The following TTC3 variants were observed in gnomAD, a reference collection of about 807,000 sequenced individuals.
The protein encoded by TTC3 is E3 ubiquitin-protein ligase TTC3.
Under a neutral mutation model 249.6 loss-of-function variants are expected in TTC3, and 180 were observed. That is an observed-to-expected ratio of 0.72 (90% CI 0.64 to 0.82). The LOEUF is 0.82. Ranked by LOEUF, TTC3 falls within the 40% of genes least tolerant of loss-of-function variation. TTC3 has a pLI of 0.00. For synonymous variants in TTC3, 717 were observed against 805.0 expected, an observed-to-expected ratio of 0.89 and a Z score of 1.85; for missense variants, 2,061 against 2,398.4, an observed-to-expected ratio of 0.86 and a Z score of 2.94.
chr21:37,197,863 AC>A lies in TTC3; in HGVS notation c.5707-15del, dbSNP rs957985137. 1 of 1,605,778 alleles carries A rather than the reference AC, an allele frequency of 6.2e-7. No homozygotes were observed. The highest frequency in any genetic ancestry group is 1.4e-5 in the African/African-American group (1 of 73,904). Reference sequence around the variant, plus strand: ...GCTTCCCTCTTGTCCCCTCCCCGCCACCCCTGTTATTTTCGCAGCCAAACCC... The same window carrying A: ...GCTTCCCTCTTGTCCCCTCCCCGCCACCCTGTTATTTTCGCAGCCAAACCC... On this transcript the variant is annotated intron_variant, in intron 43 of 45. Transcript: ENST00000355666.
In TTC3 at chr21:37,083,318, A is replaced by G. The variant is rs1365082666; in HGVS notation, c.-11-3929A>G. On this transcript the variant is annotated intron_variant, in intron 1 of 45. Coordinates refer to ENST00000355666, the Ensembl canonical transcript of TTC3. Reference sequence around the variant, plus strand: ...ATCACAAAAGGTCTTCTATGCTTATATTAGGGAAGTTGGACTTTATTCTCA... The same window carrying G: ...ATCACAAAAGGTCTTCTATGCTTATGTTAGGGAAGTTGGACTTTATTCTCA... The G allele has an allele frequency of 6.1e-6, 6 of 985,344 alleles. No individual in the cohort carries two copies. The African/African-American group carries it at 7.0e-5, about 11-fold the overall frequency. The allele number at this position is 985,344 out of a possible 1,614,324, so 61.0% of individuals were successfully genotyped here.
At chr21:37,146,045 T>C (rs1681994483) in intron 21 of TTC3, among the ~76,000 whole-genome samples, 1 of 152,206 alleles carries the variant, frequency 6.6e-6, no homozygotes, top group Admixed American at 6.5e-5. Context: ...AAGGAAAACA[T>C]GTTCTCACAA....
Position 37,097,493 on chromosome 21 carries a change from C to T in TTC3, c.845+850C>T, listed in dbSNP as rs551525743. On this transcript the variant is annotated intron_variant, in intron 10 of 45. Transcript: ENST00000355666. Reference sequence around the variant, plus strand: ...CAAGCTACATAGGCATAAGGTCCTGCATAGGTATTAGTTATAATTCATATT... The same window carrying T: ...CAAGCTACATAGGCATAAGGTCCTGTATAGGTATTAGTTATAATTCATATT... Among the ~76,000 whole-genome samples the T allele has an allele frequency of 9.9e-5, 15 of 152,248 alleles. No homozygotes were observed. In the East Asian group the frequency reaches 2.7e-3, roughly 27 times the overall value.
chr21:37,180,348 G>C (rs535709476), intron 35 of TTC3, among the ~76,000 whole-genome samples: 16 of 151,244 alleles, frequency 1.1e-4, no homozygotes, highest in Non-Finnish European at 2.1e-4. Context: ...TTCTTTATCT[G>C]CTTAGCATTC....
intron 23 of TTC3, among the ~76,000 whole-genome samples, chr21:37,148,857 C>T (rs1043501284): frequency 1.3e-5 from 2 of 152,158 alleles, no homozygotes; most frequent in East Asian, 1.9e-4. Context: ...AGACGGATCT[C>T]ACTGTGTTGC....
exon 33 of TTC3, chr21:37,166,588 T>G: frequency 6.2e-7 from 1 of 1,613,188 alleles, no homozygotes; most frequent in South Asian, 1.1e-5. Flanking sequence ...TAACAAACAT[T>G]CCACACGTGC....
intron 18 of TTC3, among the ~76,000 whole-genome samples, chr21:37,137,807 T>G (rs918646480): frequency 6.6e-6 from 1 of 152,178 alleles, no homozygotes; most frequent in Admixed American, 6.5e-5. Context: ...ATTGTCTTAT[T>G]TTAAGAAATT....
exon 42 of TTC3, chr21:37,196,025 A>G (rs779236754): frequency 9.9e-6 from 16 of 1,614,090 alleles, no homozygotes; most frequent in Non-Finnish European, 1.4e-5. Context: ...TGGTATTCCC[A>G]TGTTACAACA....
chr21:37,146,528 A>T (rs1601774860), intron 21 of TTC3, among the ~76,000 whole-genome samples: 1 of 152,304 alleles, frequency 6.6e-6, no homozygotes, highest in South Asian at 2.1e-4. Context: ...CAAAAAAAAA[A>T]AAGAGTACTG....
chr21:37,114,759 A>G (rs1026392242), intron 11 of TTC3, among the ~76,000 whole-genome samples: 1 of 152,146 alleles, frequency 6.6e-6, no homozygotes, highest in African/African-American at 2.4e-5. Flanking sequence ...AGTATTCACA[A>G]TAGCAAAGAC....
exon 22 of TTC3, chr21:37,147,518 C>T (rs146622162): frequency 6.2e-7 from 1 of 1,610,274 alleles, no homozygotes; most frequent in Non-Finnish European, 8.5e-7. Flanking sequence ...TGCAAGTTCC[C>T]TCCAGTGCCA....
At chr21:37,178,005 C>T (rs571157785) in intron 35 of TTC3, among the ~76,000 whole-genome samples, 40 of 152,322 alleles carry the variant, frequency 2.6e-4, no homozygotes, top group African/African-American at 8.7e-4. Flanking sequence ...CCTTGGCAAC[C>T]ACTGATTTAC....
intron 15 of TTC3, among the ~76,000 whole-genome samples, chr21:37,127,789 G>A (rs1251191490): frequency 6.6e-6 from 1 of 152,160 alleles, no homozygotes; most frequent in Non-Finnish European, 1.5e-5. Flanking sequence ...CTCAGGCTCA[G>A]TTAGTTCCAT....
At chr21:37,115,581 C>T (rs1221245145) in intron 11 of TTC3, among the ~76,000 whole-genome samples, 1 of 152,214 alleles carries the variant, frequency 6.6e-6, no homozygotes, top group Non-Finnish European at 1.5e-5. Context: ...TAATGGCACA[C>T]AACTGCAAAT....
chr21:37,111,972 C>T (rs2075711102), intron 11 of TTC3, among the ~76,000 whole-genome samples: 2 of 151,670 alleles, frequency 1.3e-5, no homozygotes, highest in South Asian at 4.2e-4. Context: ...GAAATGAAGG[C>T]AGAAATAAAG....
At chr21:37,188,363 A>G in intron 38 of TTC3, 132 bp from the exon 39 acceptor site, 1 of 617,776 alleles carries the variant, frequency 1.6e-6, no homozygotes, top group Non-Finnish European at 2.8e-6. Flanking sequence ...GATACAATCA[A>G]GTTCTGATGA....
intron 16 of TTC3, among the ~76,000 whole-genome samples, chr21:37,131,451 G>A (rs1163449043): frequency 6.6e-6 from 1 of 152,198 alleles, no homozygotes; most frequent in Non-Finnish European, 1.5e-5. Flanking sequence ...AAAGTGGCAT[G>A]CCCAAGGGGA....
chr21:37,167,743 T>C, intron 34 of TTC3, 123 bp downstream of exon 34: 2 of 575,604 alleles, frequency 3.5e-6, no homozygotes, highest in Non-Finnish European at 5.5e-6. Context: ...TGGAATAAGC[T>C]TGAGAACATA....
intron 27 of TTC3, among the ~76,000 whole-genome samples, chr21:37,156,340 T>C (rs1172945240): frequency 2.0e-5 from 3 of 152,122 alleles, no homozygotes; most frequent in East Asian, 1.9e-4. Context: ...CCTGGCCTCA[T>C]TGTTATATTT....
Sources: gnomAD v4.1 joint callset for allele counts (sites outside exome capture counted in the v4.1 genomes callset) on GRCh38, gnomAD v4.1.1 for gene constraint, MANE v1.5 for transcripts, NCBI Gene and HGNC (gene_info 2026-07-23, HGNC 2026-07-21) for gene names.